Variants in SND1 observed in about 807,000 individuals in gnomAD.
SND1 encodes the protein staphylococcal nuclease and tudor domain containing 1.
In SND1, 38 loss-of-function variants were observed where a neutral mutation model predicts 121.7. That is an observed-to-expected ratio of 0.31 (90% CI 0.24 to 0.41). The LOEUF (loss-of-function observed/expected upper bound fraction) is 0.41. SND1 is among the 10% of genes least tolerant of loss of function. The pLI, the probability that SND1 is intolerant of heterozygous loss-of-function variation, is 1.00. For missense variants in SND1, 868 were observed against 1,184.6 expected, an observed-to-expected ratio of 0.73 and a Z score of 3.92; for synonymous variants, 401 against 447.4, an observed-to-expected ratio of 0.90 and a Z score of 1.31.
chr7:127,874,775 A>G (rs1342115926), intron 12 of SND1, among the ~76,000 whole-genome samples: 1 of 152,210 alleles, frequency 6.6e-6, no homozygotes, highest in African/African-American at 2.4e-5. Context: ...AATCCCCAGA[A>G]GGCCTGCAAA....
At chr7:127,767,598 G>A (rs1224531665) in intron 10 of SND1, among the ~76,000 whole-genome samples, 2 of 152,054 alleles carry the variant, frequency 1.3e-5, no homozygotes, top group African/African-American at 4.8e-5. Context: ...GTCTGTAATT[G>A]GACTCTGCTA....
At chr7:127,843,469 A>G (rs1251045991) in intron 11 of SND1, among the ~76,000 whole-genome samples, 1 of 152,192 alleles carries the variant, frequency 6.6e-6, no homozygotes. Context: ...AACCTTTTCT[A>G]GAATGTCGTA....
intron 10 of SND1, among the ~76,000 whole-genome samples, chr7:127,741,103 G>C (rs1232600614): frequency 6.6e-6 from 1 of 152,110 alleles, no homozygotes; most frequent in African/African-American, 2.4e-5. Context: ...CATAATAATA[G>C]TGTCTGACTT....
chr7:127,814,322 C>T (rs1252606063), intron 11 of SND1, among the ~76,000 whole-genome samples: 1 of 152,034 alleles, frequency 6.6e-6, no homozygotes, highest in East Asian at 1.9e-4. Flanking sequence ...CTTTTTTTCC[C>T]ACTTTAAAAA....
At chr7:127,928,017 G>C (rs759149122) in intron 14 of SND1, 3 of 152,136 alleles carry the variant, frequency 2.0e-5, no homozygotes, top group Non-Finnish European at 4.4e-5. Flanking sequence ...CATATACGAT[G>C]TGATATTTTG....
intron 12 of SND1, among the ~76,000 whole-genome samples, chr7:127,886,808 G>T (rs1055111302): frequency 4.3e-5 from 6 of 140,202 alleles, no homozygotes; most frequent in African/African-American, 1.3e-4. Context: ...ACATAGAGTG[G>T]CATCTCTCAT....
At chr7:127,923,831 A>G (rs962388796) in intron 14 of SND1, among the ~76,000 whole-genome samples, 2 of 152,164 alleles carry the variant, frequency 1.3e-5, no homozygotes, top group Admixed American at 6.5e-5. Context: ...CAATACACTT[A>G]AAATGAGAGA....
intron 15 of SND1, among the ~76,000 whole-genome samples, chr7:127,951,107 A>G (rs1227551157): frequency 3.3e-5 from 5 of 152,252 alleles, no homozygotes; most frequent in Non-Finnish European, 7.3e-5. Context: ...TTGAACAGAT[A>G]CTTGCAGTCC....
rs763289898 is a variant in SND1, at chr7:128,085,832, C to A, written c.2304+52C>A. 3.4e-6 allele frequency: 5 copies of A among 1,451,284 alleles called. No homozygotes were observed. Among genetic ancestry groups the A allele is most frequent in the Non-Finnish European group, 4.8e-6 (5 of 1,032,698 alleles). The allele number at this position is 1,451,284 out of a possible 1,614,324, so 89.9% of individuals were successfully genotyped here. Reference sequence around the variant, plus strand: ...AGGGGCTATCAAACACAGCAGCCCCCGAGTCAAATCCATCTGATCTCTCCA... The same window carrying A: ...AGGGGCTATCAAACACAGCAGCCCCAGAGTCAAATCCATCTGATCTCTCCA... On this transcript the variant is annotated intron_variant, in intron 20 of 23. Coordinates refer to ENST00000354725, the MANE Select transcript of SND1 (RefSeq NM_014390.4). The surrounding 1 kb of genome is among the most constrained non-coding windows in gnomAD (Gnocchi z 4.4).
intron 15 of SND1, among the ~76,000 whole-genome samples, chr7:127,979,106 A>G (rs965164180): frequency 1.3e-5 from 2 of 152,198 alleles, no homozygotes; most frequent in African/African-American, 4.8e-5. Context: ...CTTTGTTACA[A>G]ATATTCATGG....
At chr7:127,742,640 C>G (rs1796903067) in intron 10 of SND1, among the ~76,000 whole-genome samples, 1 of 152,016 alleles carries the variant, frequency 6.6e-6, no homozygotes, top group Non-Finnish European at 1.5e-5. Context: ...TGAAAGTGCT[C>G]CACAAAGAAT....
chr7:127,969,361 T>C (rs765463448), intron 15 of SND1, among the ~76,000 whole-genome samples: 7 of 152,168 alleles, frequency 4.6e-5, no homozygotes, highest in Non-Finnish European at 1.0e-4. Context: ...AATGATTTAA[T>C]ATACAGATGC....
rs566857915 is a variant in SND1 at position 128,040,941 on chromosome 7, T to G, written c.1780-33561T>G. The stretch of plus-strand genomic sequence containing the variant: ...CCAGCTTGAGCTATGGTTAGGATTT[T>G]CCTGTTCTAGTAGTCCACTCAGTAC... On this transcript the variant is annotated intron_variant, in intron 16 of 23. Coordinates refer to ENST00000354725, the MANE Select transcript of SND1 (RefSeq NM_014390.4). Among the ~76,000 whole-genome samples the G allele has an allele frequency of 2.0e-4, 31 of 152,354 alleles. 1 individual carries two copies. The highest frequency in any genetic ancestry group is 2.9e-4 in the Non-Finnish European group (20 of 68,036).
chr7:128,038,875 C>T (rs1353196487), intron 16 of SND1, among the ~76,000 whole-genome samples: 1 of 152,172 alleles, frequency 6.6e-6, no homozygotes, highest in Non-Finnish European at 1.5e-5. Flanking sequence ...ACAGTCTCTT[C>T]TCCATAGCAA....
intron 12 of SND1, among the ~76,000 whole-genome samples, chr7:127,861,867 G>A (rs1348338759): frequency 6.6e-6 from 1 of 152,202 alleles, no homozygotes; most frequent in Non-Finnish European, 1.5e-5. Flanking sequence ...GAACTCAAGG[G>A]AAGAATGGAG....
intron 16 of SND1, among the ~76,000 whole-genome samples, chr7:128,061,170 T>C (rs1793224939): frequency 6.6e-6 from 1 of 152,180 alleles, no homozygotes; most frequent in Non-Finnish European, 1.5e-5. Flanking sequence ...ATTTGGGACA[T>C]TGGTTTGAAG....
intron 16 of SND1, chr7:127,997,941 A>G (rs766191570): frequency 3.7e-6 from 2 of 534,784 alleles, no homozygotes; most frequent in East Asian, 1.1e-4. Context: ...TCCTTCCATC[A>G]GTTCCCACAG....
At chr7:127,679,955 C>T (rs377260134) in intron 1 of SND1, among the ~76,000 whole-genome samples, 31 of 152,176 alleles carry the variant, frequency 2.0e-4, no homozygotes, top group African/African-American at 5.3e-4. Flanking sequence ...TATATACTAT[C>T]GGGGAACCTG....
At chr7:127,908,318 A>G (rs1301137850) in intron 14 of SND1, among the ~76,000 whole-genome samples, 3 of 138,560 alleles carry the variant, frequency 2.2e-5, no homozygotes, top group South Asian at 4.8e-4. Context: ...ATAATAATAA[A>G]TGTGTGTGTG....
Sources: allele counts gnomAD v4.1 joint callset (sites outside exome capture counted in the v4.1 genomes callset), GRCh38; gene constraint gnomAD v4.1.1; non-coding constraint Gnocchi (gnomAD v3.1); transcripts MANE v1.5; gene names NCBI Gene and HGNC (gene_info 2026-07-23, HGNC 2026-07-21).